Variants in MLLT10 observed in about 807,000 individuals in gnomAD.
The protein encoded by MLLT10 is MLLT10 histone lysine methyltransferase DOT1L cofactor.
In MLLT10, 30 loss-of-function variants were observed where a neutral mutation model predicts 129.1. The ratio of observed to expected loss-of-function variants is 0.23; its 90% confidence interval spans 0.17 to 0.32. The LOEUF is 0.32. Among genes scored for constraint, MLLT10 ranks in the 10% least tolerant of loss-of-function variants. The probability of loss-of-function intolerance (pLI) is 1.00; values close to 1 mark genes in which losing one functional copy is unlikely to be tolerated. For missense variants in MLLT10, 1,119 were observed against 1,268.3 expected (o/e 0.88, Z 1.79); for synonymous variants, 490 against 446.4 (o/e 1.10, Z -1.23).
At chr10:21,625,773 T>G (rs1320196943) in intron 8 of MLLT10, 1 of 768,542 alleles carries the variant, frequency 1.3e-6, no homozygotes, top group Non-Finnish European at 2.4e-6. Flanking sequence ...TGTCACAGTT[T>G]CACAGCTTCC....
intron 9 of MLLT10, among the ~76,000 whole-genome samples, chr10:21,652,685 G>A (rs530638499): frequency 6.6e-6 from 1 of 152,286 alleles, no homozygotes; most frequent in South Asian, 2.1e-4. Flanking sequence ...TAGTTTGATC[G>A]AAAAGTGAGC....
At chr10:21,690,977 A>T (rs994029096) in intron 13 of MLLT10, among the ~76,000 whole-genome samples, 1 of 152,174 alleles carries the variant, frequency 6.6e-6, no homozygotes, top group African/African-American at 2.4e-5. Flanking sequence ...GAAGAATGTC[A>T]TTTAATCATC....
At chr10:21,637,891 G>A (rs1451828587) in intron 8 of MLLT10, among the ~76,000 whole-genome samples, 1 of 152,158 alleles carries the variant, frequency 6.6e-6, no homozygotes, top group African/African-American at 2.4e-5. Flanking sequence ...TTAGCTTCCT[G>A]CTCTTACTAG....
intron 14 of MLLT10, among the ~76,000 whole-genome samples, chr10:21,725,454 C>CA (rs1324985763): frequency 6.6e-5 from 10 of 152,130 alleles, no homozygotes; most frequent in Non-Finnish European, 1.3e-4. Flanking sequence ...CGCGGTGGCT[C>CA]ACGCCTATAA....
chr10:21,537,721 G>A (rs555106746), intron 2 of MLLT10, among the ~76,000 whole-genome samples: 3 of 151,690 alleles, frequency 2.0e-5, no homozygotes, highest in Admixed American at 6.6e-5. Flanking sequence ...CTCCTGCCTC[G>A]GCCTGCCAAA....
intron 21 of MLLT10, chr10:21,738,471 C>A: frequency 1.6e-6 from 2 of 1,288,930 alleles, no homozygotes; most frequent in Non-Finnish European, 2.0e-6. Context: ...TGCTTGGAGA[C>A]CATGAGGACT....
intron 8 of MLLT10, among the ~76,000 whole-genome samples, chr10:21,647,166 TA>T (rs539536499): frequency 5.6e-4 from 86 of 152,254 alleles, no homozygotes; most frequent in Non-Finnish European, 1.0e-3. Context: ...ATCTGTGACT[TA>T]TTTTAATGGC....
Position 21,723,912 on chromosome 10 carries a change from G to A in MLLT10, c.1879-2332G>A, listed in dbSNP as rs80087249. On this transcript the variant is annotated intron_variant, in intron 14 of 22. Transcript: ENST00000307729. ...TAATATCTGTTTTTTCTGTTGAATT[G>A]TTTGTATTTTTCTTATTCTATATTG... is the stretch of plus-strand genomic sequence containing the variant. 3.8e-3 allele frequency among the ~76,000 whole-genome samples: 578 copies of A among 152,200 alleles called. 5 individuals are homozygous for A. Among genetic ancestry groups the A allele is most frequent in the African/African-American group, 0.013 (546 of 41,534 alleles).
At chr10:21,666,544 T>A in intron 9 of MLLT10, among the ~76,000 whole-genome samples, 1 of 151,780 alleles carries the variant, frequency 6.6e-6, no homozygotes. Flanking sequence ...GTGTCTGTAG[T>A]CCCAGCTACT....
chr10:21,663,743 T>C (rs2050455622), intron 9 of MLLT10, among the ~76,000 whole-genome samples: 1 of 152,042 alleles, frequency 6.6e-6, no homozygotes, highest in Admixed American at 6.6e-5. Flanking sequence ...TTTTAAATAT[T>C]TTTTAGTAGA....
chr10:21,619,378 A>G (rs1217486606), intron 8 of MLLT10, among the ~76,000 whole-genome samples: 1 of 152,186 alleles, frequency 6.6e-6, no homozygotes, highest in African/African-American at 2.4e-5. Flanking sequence ...AAAAGCGCTT[A>G]CTATATGATC....
chr10:21,685,279 T>C (rs2053185429), intron 13 of MLLT10, among the ~76,000 whole-genome samples: 1 of 152,222 alleles, frequency 6.6e-6, no homozygotes, highest in South Asian at 2.1e-4. Flanking sequence ...CTAAAATTTA[T>C]TACTTCACAA....
In MLLT10 at chr10:21,563,720, C is replaced by T. The variant is rs187765110; in HGVS notation, c.241-22574C>T. ...AAGAATAAAACTGTTATAAACATTA[C>T]ATGGGTTTTCATGTGAGCATAAGTC... is the stretch of plus-strand genomic sequence containing the variant. On this transcript the variant is annotated intron_variant, in intron 3 of 22. Coordinates refer to ENST00000307729, the MANE Select transcript of MLLT10 (RefSeq NM_001195626.3). 1.8e-4 allele frequency among the ~76,000 whole-genome samples: 28 copies of T among 152,046 alleles called. 1 individual carries two copies. The highest frequency in any genetic ancestry group is 1.6e-3 in the Admixed American group (24 of 15,242).
At chr10:21,602,674 A>G (rs1240614576) in intron 5 of MLLT10, among the ~76,000 whole-genome samples, 1 of 151,690 alleles carries the variant, frequency 6.6e-6, no homozygotes, top group Non-Finnish European at 1.5e-5. Flanking sequence ...GTGCCATGTA[A>G]TCCATTATGG....
At chr10:21,561,920 C>G (rs1208536282) in intron 3 of MLLT10, among the ~76,000 whole-genome samples, 1 of 152,022 alleles carries the variant, frequency 6.6e-6, no homozygotes, top group Non-Finnish European at 1.5e-5. Flanking sequence ...ATTCTCCTGC[C>G]TCAGCCTCCC....
At chr10:21,703,466 G>A (rs534463318) in intron 13 of MLLT10, among the ~76,000 whole-genome samples, 9 of 152,130 alleles carry the variant, frequency 5.9e-5, no homozygotes, top group South Asian at 4.2e-4. Flanking sequence ...AAAATGTGCC[G>A]TAGAGAAGAC....
At chr10:21,678,141 A>G (rs368146884) in intron 11 of MLLT10, among the ~76,000 whole-genome samples, 18 of 151,850 alleles carry the variant, frequency 1.2e-4, no homozygotes, top group African/African-American at 4.1e-4. Flanking sequence ...GTCTTGCTCT[A>G]TTGACCAGGC....
chr10:21,707,895 T>G (rs1441314312), intron 13 of MLLT10, among the ~76,000 whole-genome samples: 1 of 152,238 alleles, frequency 6.6e-6, no homozygotes, highest in Non-Finnish European at 1.5e-5. Context: ...TCTGTCTTAC[T>G]CTTTGTCTAG....
At chr10:21,575,919 GTTGTTTGT>G (rs747849114) in intron 3 of MLLT10, among the ~76,000 whole-genome samples, 2 of 151,436 alleles carry the variant, frequency 1.3e-5, no homozygotes, top group East Asian at 3.9e-4. Flanking sequence ...TTTTTTTCTT[GTTGTTTGT>G]TTGTTTGTTT....
Sources: gnomAD v4.1 joint callset for allele counts (sites outside exome capture counted in the v4.1 genomes callset) on GRCh38, gnomAD v4.1.1 for gene constraint, MANE v1.5 for transcripts, NCBI Gene and HGNC (gene_info 2026-07-23, HGNC 2026-07-21) for gene names.